The following DKK2 variants were observed in gnomAD, a reference collection of about 807,000 sequenced individuals.
DKK2 encodes the protein dickkopf Wnt signaling pathway inhibitor 2.
Under a neutral mutation model 28.1 loss-of-function variants are expected in DKK2, and 11 were observed. The ratio of observed to expected loss-of-function variants is 0.39; its 90% CI spans 0.25 to 0.65. The LOEUF (loss-of-function observed/expected upper bound fraction) is 0.65, where lower values mean the gene tolerates loss of function less well. Ranked by LOEUF, DKK2 falls within the 30% of genes least tolerant of loss-of-function variation. The pLI is 0.47. For missense variants in DKK2, 326 were observed against 335.5 expected, an observed-to-expected ratio of 0.97 and a Z score of 0.22; for synonymous variants, 135 against 126.5, an observed-to-expected ratio of 1.07 and a Z score of -0.45.
intron 1 of DKK2, among the ~76,000 whole-genome samples, chr4:106,941,978 TTTA>T (rs1724705870): frequency 6.6e-6 from 1 of 152,064 alleles, no homozygotes; most frequent in Non-Finnish European, 1.5e-5. Flanking sequence ...AATTTAAATT[TTTA>T]TTATGTGGAA....
In DKK2 at chr4:106,923,103, C is replaced by T. The variant is rs1724371941; in HGVS notation, c.*851G>A. The T allele has an allele frequency of 6.6e-6, 1 of 152,028 alleles. No homozygotes were observed. Among genetic ancestry groups the T allele is most frequent in the Admixed American group, 6.6e-5 (1 of 15,236 alleles). The allele number at this position is 152,028 out of a possible 1,614,324, so 9.4% of individuals were successfully genotyped here. On this transcript the variant is annotated 3_prime_UTR_variant, in exon 4 of 4. Coordinates refer to ENST00000285311, the MANE Select transcript of DKK2 (RefSeq NM_014421.3). Reference sequence around the variant, plus strand: ...TTTTGCCATCTGTGAAAATTCTGCTCTGTGTAAGTATTTTACTAGTCACAA... The same window carrying T: ...TTTTGCCATCTGTGAAAATTCTGCTTTGTGTAAGTATTTTACTAGTCACAA...
At chr4:107,019,445 G>T (rs1261196761) in intron 1 of DKK2, among the ~76,000 whole-genome samples, 1 of 151,874 alleles carries the variant, frequency 6.6e-6, no homozygotes, top group Non-Finnish European at 1.5e-5. Flanking sequence ...CATAACAGAA[G>T]CTCACAGGGT....
At chr4:106,958,156 C>A (rs1722628568) in intron 1 of DKK2, among the ~76,000 whole-genome samples, 2 of 150,492 alleles carry the variant, frequency 1.3e-5, no homozygotes, top group South Asian at 4.2e-4. Flanking sequence ...GATTATATTA[C>A]AGGGTCTTGG....
At chr4:107,027,821 G>A (rs973956643) in intron 1 of DKK2, among the ~76,000 whole-genome samples, 5 of 147,618 alleles carry the variant, frequency 3.4e-5, no homozygotes. Flanking sequence ...GCGCGATCTC[G>A]GCTCACTGCA....
chr4:107,035,847 T>C lies in DKK2; in HGVS notation c.-256A>G, dbSNP rs1295357465. 2 of 533,676 alleles carry C rather than the reference T, an allele frequency of 3.7e-6. No individual in the cohort carries two copies. The highest frequency in any genetic ancestry group is 6.7e-6 in the Non-Finnish European group (2 of 297,434). 33.1% of individuals were successfully genotyped at this position (533,676 alleles called of 1,614,324 possible). A position where few individuals can be genotyped will look rare whatever the true frequency, so the allele number is the denominator to read the frequency against. On this transcript the variant is annotated 5_prime_UTR_variant, in exon 1 of 4. Transcript: ENST00000285311. ...TCTGCAATAACTGGAAGCAATCAAA[T>C]GCGAGGCGCTTTCTCGCCAAGGAGG... is the stretch of plus-strand genomic sequence containing the variant.
At chr4:107,009,186 C>A (rs1264490592) in intron 1 of DKK2, among the ~76,000 whole-genome samples, 2 of 151,834 alleles carry the variant, frequency 1.3e-5, no homozygotes, top group Non-Finnish European at 2.9e-5. Context: ...TAGGTGTCTA[C>A]TGTCTTCAAC....
chr4:106,992,500 CT>C (rs1400827004), intron 1 of DKK2, among the ~76,000 whole-genome samples: 1 of 152,156 alleles, frequency 6.6e-6, no homozygotes, highest in African/African-American at 2.4e-5. Flanking sequence ...TCAATTTGTG[CT>C]CTGTGAGATG....
intron 1 of DKK2, among the ~76,000 whole-genome samples, chr4:106,934,466 T>C (rs897673255): frequency 3.9e-5 from 6 of 152,134 alleles, no homozygotes; most frequent in African/African-American, 1.4e-4. Context: ...TTCAGAAATA[T>C]CATCTTAATA....
chr4:106,964,650 T>C (rs1722741243), intron 1 of DKK2, among the ~76,000 whole-genome samples: 1 of 152,164 alleles, frequency 6.6e-6, no homozygotes, highest in Non-Finnish European at 1.5e-5. Flanking sequence ...TACATTTTGC[T>C]GTGAAGGTAA....
intron 1 of DKK2, among the ~76,000 whole-genome samples, chr4:107,029,022 A>AC (rs1723835773): frequency 6.6e-6 from 1 of 152,050 alleles, no homozygotes; most frequent in South Asian, 2.1e-4. Context: ...ATATGGGAGG[A>AC]CGGGGGGCAA....
At chr4:106,943,243 C>T (rs1724727461) in intron 1 of DKK2, among the ~76,000 whole-genome samples, 1 of 152,084 alleles carries the variant, frequency 6.6e-6, no homozygotes, top group Admixed American at 6.6e-5. Context: ...GTAGATTATG[C>T]TCTGTTGAAT....
chr4:106,984,658 C>T (rs1259986638), intron 1 of DKK2, among the ~76,000 whole-genome samples: 3 of 152,160 alleles, frequency 2.0e-5, no homozygotes, highest in Non-Finnish European at 2.9e-5. Context: ...TCATGGGACA[C>T]TTTGGTTGTT....
At chr4:106,962,540 TG>T (rs1722707296) in intron 1 of DKK2, among the ~76,000 whole-genome samples, 1 of 133,742 alleles carries the variant, frequency 7.5e-6, no homozygotes, top group African/African-American at 3.0e-5. Flanking sequence ...TGTGTGTGTG[TG>T]TGTGTGTGTG....
chr4:107,026,727 C>A (rs1159553869), intron 1 of DKK2, among the ~76,000 whole-genome samples: 1 of 151,812 alleles, frequency 6.6e-6, no homozygotes, highest in African/African-American at 2.4e-5. Context: ...TGAGAAATCA[C>A]GATTTTGTTG....
At chr4:106,935,267 G>A (rs1219006531) in intron 1 of DKK2, among the ~76,000 whole-genome samples, 1 of 152,208 alleles carries the variant, frequency 6.6e-6, no homozygotes, top group Non-Finnish European at 1.5e-5. Context: ...CGCACCGTGT[G>A]CGAGCCAAAG....
In DKK2 at chr4:106,936,180, G is replaced by A. The variant is rs575349937; in HGVS notation, c.223-10231C>T. On this transcript the variant is annotated intron_variant, in intron 1 of 3. Transcript: ENST00000285311. ...ATCAAATTACTTTGAGCTACGGGAG[G>A]ACATTCAAACCAAAGGCAAAGAAGT... Among the ~76,000 whole-genome samples, 7 of 152,202 alleles carry A rather than the reference G, an allele frequency of 4.6e-5. No homozygotes were observed. In the South Asian group the frequency reaches 6.2e-4, roughly 14 times the overall value.
chr4:106,932,151 C>T (rs971266497), intron 1 of DKK2, among the ~76,000 whole-genome samples: 12 of 152,164 alleles, frequency 7.9e-5, no homozygotes, highest in African/African-American at 2.9e-4. Flanking sequence ...TATTTCAGTA[C>T]CTTTTACACA....
chr4:106,948,838 C>T (rs902643159), intron 1 of DKK2, among the ~76,000 whole-genome samples: 2 of 152,112 alleles, frequency 1.3e-5, no homozygotes, highest in Admixed American at 6.6e-5. Flanking sequence ...ATGTTCAGAA[C>T]TTATATGATC....
At chr4:106,945,493 C>T (rs1281919693) in intron 1 of DKK2, among the ~76,000 whole-genome samples, 2 of 151,984 alleles carry the variant, frequency 1.3e-5, no homozygotes, top group African/African-American at 2.4e-5. Flanking sequence ...AGCTTTTTGT[C>T]TTCAAATTAA....
Sources: allele counts gnomAD v4.1 joint callset (sites outside exome capture counted in the v4.1 genomes callset), GRCh38; gene constraint gnomAD v4.1.1; transcripts MANE v1.5; gene names NCBI Gene and HGNC (gene_info 2026-07-23, HGNC 2026-07-21).